NALCN: variants seen among roughly 807,000 people sequenced by gnomAD.
The protein encoded by NALCN is sodium leak channel NALCN.
A neutral mutation model predicts 225.3 loss-of-function variants in NALCN; 111 were observed. That is an observed-to-expected ratio of 0.49 (90% CI 0.42 to 0.58). NALCN has a LOEUF of 0.58. Among genes scored for constraint, NALCN ranks in the 20% least tolerant of loss-of-function variants. The pLI is 0.00. For missense variants in NALCN, 1,378 were observed against 2,202.4 expected (o/e 0.63, Z 7.49); for synonymous variants, 764 against 769.0 (o/e 0.99, Z 0.11).
At chr13:101,094,706 A>G (rs1256947766) in intron 28 of NALCN, among the ~76,000 whole-genome samples, 3 of 152,120 alleles carry the variant, frequency 2.0e-5, no homozygotes, top group Non-Finnish European at 4.4e-5. Context: ...TATGCATTCT[A>G]TTGGATTACG....
chr13:101,321,866 C>A (rs1174178671), intron 7 of NALCN, among the ~76,000 whole-genome samples: 3 of 151,866 alleles, frequency 2.0e-5, no homozygotes, highest in Non-Finnish European at 2.9e-5. Flanking sequence ...GGAGAGAGGA[C>A]CGGAATTGTA....
chr13:101,369,751 C>T (rs1415210157), intron 6 of NALCN, among the ~76,000 whole-genome samples: 1 of 152,106 alleles, frequency 6.6e-6, no homozygotes, highest in Non-Finnish European at 1.5e-5. Flanking sequence ...TTCATATTCA[C>T]TCATAGAACA....
chr13:101,116,522 C>CTT, intron 18 of NALCN: 1 of 516,640 alleles, frequency 1.9e-6, no homozygotes, highest in South Asian at 1.4e-5. Flanking sequence ...GTCCCCGGTT[C>CTT]TTTTCTTCTT....
chr13:101,218,368 T>C (rs905589976), intron 13 of NALCN, among the ~76,000 whole-genome samples: 30 of 152,222 alleles, frequency 2.0e-4, no homozygotes, highest in African/African-American at 6.7e-4. Flanking sequence ...AAGTCTAAAA[T>C]TAAGGTGTTA....
chr13:101,076,467 A>G (rs1343771868), intron 34 of NALCN, among the ~76,000 whole-genome samples: 1 of 152,226 alleles, frequency 6.6e-6, no homozygotes, highest in Non-Finnish European at 1.5e-5. Context: ...GGAAGAGATG[A>G]CTGCACTTTA....
Position 101,292,570 on chromosome 13 carries a change from T to C in NALCN, c.800-204A>G, listed in dbSNP as rs2043593572. On this transcript the variant is annotated intron_variant, in intron 7 of 43. Transcript: ENST00000251127. This position sits in a 1 kb window ranked among gnomAD's most constrained non-coding sequence, Gnocchi z 4.3. The stretch of plus-strand genomic sequence containing the variant: ...GTTTCTGACTTCAAGCCAGGGTAAT[T>C]TCAACATCTAACAATAAAATAATTT... 6.6e-6 allele frequency among the ~76,000 whole-genome samples: 1 copy of C among 152,174 alleles called. No individual in the cohort carries two copies. The highest frequency in any genetic ancestry group is 1.5e-5 in the Non-Finnish European group (1 of 68,040).
At chr13:101,150,160 T>A in intron 15 of NALCN, among the ~76,000 whole-genome samples, 1 of 49,848 alleles carries the variant, frequency 2.0e-5, no homozygotes, top group South Asian at 1.2e-3. Flanking sequence ...TACTGTTGTA[T>A]GTACTCCATT....
chr13:101,075,221 T>C (rs1171333653), intron 35 of NALCN, among the ~76,000 whole-genome samples: 1 of 152,234 alleles, frequency 6.6e-6, no homozygotes, highest in East Asian at 1.9e-4. Flanking sequence ...AATATACCCA[T>C]GGACATTAAC....
rs2030919529 is a variant in NALCN at position 101,054,200 on chromosome 13, G to A, written c.*1095C>T. ...TTTCTAATTTTCCCGGAGGACATGG[G>A]CCATTGACATATAAGGAAAAAAAAC... On this transcript the variant is annotated 3_prime_UTR_variant, in exon 44 of 44. Transcript: ENST00000251127. The A allele has an allele frequency of 6.6e-6, 1 of 152,092 alleles. No individual in the cohort carries two copies. Among genetic ancestry groups the A allele is most frequent in the African/African-American group, 2.4e-5 (1 of 41,410 alleles). 9.4% of individuals were successfully genotyped at this position (152,092 alleles called of 1,614,324 possible).
In NALCN at chr13:101,138,454, C is replaced by T. The variant is rs574647517; in HGVS notation, c.2118+4626G>A. On this transcript the variant is annotated intron_variant, in intron 17 of 43. Coordinates refer to ENST00000251127, the MANE Select transcript of NALCN (RefSeq NM_052867.4). Reference sequence around the variant, plus strand: ...GACAAGAGGGTGGGCAGATATTGCCCTACTGTCAGAGAAAATATTCACTGT... The same window carrying T: ...GACAAGAGGGTGGGCAGATATTGCCTTACTGTCAGAGAAAATATTCACTGT... Among the ~76,000 whole-genome samples, 7 of 152,306 alleles carry T rather than the reference C, an allele frequency of 4.6e-5. No individual in the cohort carries two copies. The South Asian group carries it at 1.5e-3, about 32-fold the overall frequency.
intron 42 of NALCN, 113 bp downstream of exon 42, chr13:101,059,705 A>G: frequency 1.2e-6 from 1 of 852,956 alleles, no homozygotes; most frequent in Non-Finnish European, 1.7e-6. Context: ...TATTCCTATT[A>G]GAAATATTGT....
At chr13:101,301,770 C>T (rs1464723710) in intron 7 of NALCN, among the ~76,000 whole-genome samples, 8 of 151,640 alleles carry the variant, frequency 5.3e-5, no homozygotes, top group African/African-American at 1.9e-4. Flanking sequence ...CTACGCTTTG[C>T]CACAGTTAGC....
rs531289637 is a variant in NALCN, at chr13:101,408,590, G to T, written c.-40+7723C>A. On this transcript the variant is annotated intron_variant, in intron 1 of 43. Coordinates refer to ENST00000251127, the MANE Select transcript of NALCN (RefSeq NM_052867.4). The stretch of plus-strand genomic sequence containing the variant: ...GCCCCTGCAGGTAGTGGATTGTTGT[G>T]GTTGATTTTCAATCTAATTTTGTAC... Among the ~76,000 whole-genome samples, 8 of 152,212 alleles carry T rather than the reference G, an allele frequency of 5.3e-5. No individual in the cohort carries two copies. The East Asian group carries it at 1.5e-3, about 29-fold the overall frequency.
At chr13:101,372,249 G>T (rs893909602) in intron 6 of NALCN, among the ~76,000 whole-genome samples, 12 of 152,076 alleles carry the variant, frequency 7.9e-5, no homozygotes, top group Admixed American at 6.6e-4. Context: ...GTCATGTCTA[G>T]AAAATTGAAT....
In NALCN at chr13:101,254,666, C is replaced by T. The variant is rs559686991; in HGVS notation, c.1266+3777G>A. ...CAGCACTTTGGGAGGCCGAGGCGGG[C>T]GGATCACGAGGTCAGGAGATCGAGA... On this transcript the variant is annotated intron_variant, in intron 11 of 43. Transcript: ENST00000251127. Among the ~76,000 whole-genome samples, 22 of 130,082 alleles carry T rather than the reference C, an allele frequency of 1.7e-4. 5 individuals are homozygous for T. Among genetic ancestry groups the T allele is most frequent in the East Asian group, 4.2e-4 (2 of 4,788 alleles). 85.3% of individuals were successfully genotyped at this position (130,082 alleles called of 152,430 possible). A position where few individuals can be genotyped will look rare whatever the true frequency, so the allele number is the denominator to read the frequency against.
At chr13:101,347,979 T>C (rs1348362553) in intron 6 of NALCN, among the ~76,000 whole-genome samples, 1 of 152,178 alleles carries the variant, frequency 6.6e-6, no homozygotes, top group Non-Finnish European at 1.5e-5. Context: ...AGCATGTTCA[T>C]AGAACTATGC....
chr13:101,219,341 T>C (rs576309822), intron 13 of NALCN, among the ~76,000 whole-genome samples: 2 of 152,256 alleles, frequency 1.3e-5, no homozygotes, highest in East Asian at 3.9e-4. Context: ...GTAATGAGGA[T>C]CCTGGAGGAA....
intron 7 of NALCN, among the ~76,000 whole-genome samples, chr13:101,343,288 C>T (rs970909364): frequency 6.6e-6 from 1 of 152,120 alleles, no homozygotes; most frequent in African/African-American, 2.4e-5. Context: ...ATCAACATTT[C>T]ATTATCTAAC....
chr13:101,406,151 C>CAA (rs11400384), intron 1 of NALCN, among the ~76,000 whole-genome samples: 28,447 of 114,200 alleles, frequency 0.25, 3,273 homozygotes, highest in Middle Eastern at 0.28. Context: ...CCCATCTCTA[C>CAA]AAAAAAAAAA....
Sources: gnomAD v4.1 joint callset for allele counts (sites outside exome capture counted in the v4.1 genomes callset) on GRCh38, gnomAD v4.1.1 for gene constraint, Gnocchi (gnomAD v3.1) non-coding constraint, MANE v1.5 for transcripts, NCBI Gene and HGNC (gene_info 2026-07-23, HGNC 2026-07-21) for gene names.